Variants in COL23A1 observed in about 807,000 individuals in gnomAD.
COL23A1 encodes the protein collagen alpha-1(XXIII) chain.
A neutral mutation model predicts 99.3 loss-of-function variants in COL23A1; 97 were observed. The observed-to-expected ratio is 0.98, with a 90% confidence interval of 0.83 to 1.16. The LOEUF is 1.16. Ranked by LOEUF, COL23A1 falls within the 50% of genes most tolerant of loss-of-function variation. COL23A1 has a pLI of 0.00. For synonymous variants in COL23A1, 320 were observed against 308.2 expected, an observed-to-expected ratio of 1.04 and a Z score of -0.40; for missense variants, 762 against 757.4, an observed-to-expected ratio of 1.01 and a Z score of -0.07.
intron 18 of COL23A1, among the ~76,000 whole-genome samples, chr5:178,249,704 A>T (rs1581447854): frequency 9.7e-6 from 1 of 103,122 alleles, no homozygotes; most frequent in Non-Finnish European, 2.2e-5. Context: ...ACACACACAC[A>T]CACACACACA....
chr5:178,477,487 C>T (rs1010022343), intron 2 of COL23A1, among the ~76,000 whole-genome samples: 2 of 152,184 alleles, frequency 1.3e-5, no homozygotes, highest in Middle Eastern at 3.2e-3. Context: ...AAATGAAAAG[C>T]AGACAGCAGA....
intron 2 of COL23A1, among the ~76,000 whole-genome samples, chr5:178,320,982 G>C (rs1173118793): frequency 6.6e-6 from 1 of 152,210 alleles, no homozygotes; most frequent in Non-Finnish European, 1.5e-5. Context: ...GCCCTGAGAG[G>C]GCAGCCACAG....
chr5:178,250,195 G>A, intron 17 of COL23A1, 90 bp from the exon 18 acceptor site: 3 of 1,497,872 alleles, frequency 2.0e-6, no homozygotes, highest in Non-Finnish European at 2.8e-6. Context: ...TGTGCACCCG[G>A]CCCAGGGTGG....
intron 2 of COL23A1, among the ~76,000 whole-genome samples, chr5:178,427,410 G>A (rs1194355781): frequency 2.0e-5 from 3 of 152,132 alleles, no homozygotes; most frequent in Admixed American, 2.0e-4. Context: ...CAGCTATCTT[G>A]CTCCTTGGTA....
intron 2 of COL23A1, among the ~76,000 whole-genome samples, chr5:178,320,244 C>A (rs1034829395): frequency 6.6e-6 from 1 of 152,240 alleles, no homozygotes; most frequent in Non-Finnish European, 1.5e-5. Context: ...GGCTCCTGTA[C>A]GCTGGCTCGT....
intron 2 of COL23A1, among the ~76,000 whole-genome samples, chr5:178,523,318 T>G (rs1581563288): frequency 2.3e-5 from 3 of 132,224 alleles, no homozygotes; most frequent in Admixed American, 7.9e-5. Flanking sequence ...TCCTAGCTAT[T>G]TGGGAGGCTG....
In COL23A1 at chr5:178,480,503, C is replaced by G. The variant is rs79760170; in HGVS notation, c.361+80179G>C. On this transcript the variant is annotated intron_variant, in intron 2 of 28. Coordinates refer to ENST00000390654, the MANE Select transcript of COL23A1 (RefSeq NM_173465.4). The stretch of plus-strand genomic sequence containing the variant: ...TCCCAAGATCCCACTAACACCATTG[C>G]AACCCAGTTTGAAAGCACCAGGCCT... Among the ~76,000 whole-genome samples, 1,235 of 152,352 alleles carry G rather than the reference C, an allele frequency of 8.1e-3. 12 individuals are homozygous for G. The highest frequency in any genetic ancestry group is 0.025 in the African/African-American group (1,037 of 41,580).
intron 10 of COL23A1, 71 bp downstream of exon 10, chr5:178,262,146 G>C (rs1765664957): frequency 2.0e-6 from 3 of 1,498,044 alleles, no homozygotes; most frequent in Non-Finnish European, 2.7e-6. Flanking sequence ...GGCGTGTGTG[G>C]GAAAGGGGCT....
intron 3 of COL23A1, among the ~76,000 whole-genome samples, chr5:178,303,690 T>C (rs768838365): frequency 6.6e-6 from 1 of 152,266 alleles, no homozygotes; most frequent in African/African-American, 2.4e-5. Context: ...AGCAGTCTTC[T>C]GTGATCTTCA....
intron 2 of COL23A1, among the ~76,000 whole-genome samples, chr5:178,328,250 CT>C (rs975131533): frequency 5.3e-5 from 8 of 152,186 alleles, no homozygotes; most frequent in African/African-American, 1.7e-4. Context: ...CTCATCCCCC[CT>C]GTCCCTGTCC....
chr5:178,548,482 C>T (rs1761831663), intron 2 of COL23A1, among the ~76,000 whole-genome samples: 2 of 152,036 alleles, frequency 1.3e-5, no homozygotes, highest in South Asian at 2.1e-4. Context: ...TCCCTTGCTC[C>T]CCCTCACTCA....
At chr5:178,326,617 T>C (rs1436242997) in intron 2 of COL23A1, among the ~76,000 whole-genome samples, 1 of 152,188 alleles carries the variant, frequency 6.6e-6, no homozygotes, top group African/African-American at 2.4e-5. Context: ...TTCTATCTGC[T>C]TCTCCCTCCC....
intron 2 of COL23A1, among the ~76,000 whole-genome samples, chr5:178,339,706 T>C (rs1213097239): frequency 6.6e-6 from 1 of 152,220 alleles, no homozygotes; most frequent in African/African-American, 2.4e-5. Flanking sequence ...TCAGTGGGCC[T>C]CACTTCCCAC....
At chr5:178,326,742 C>T (rs770608000) in intron 2 of COL23A1, among the ~76,000 whole-genome samples, 35 of 152,168 alleles carry the variant, frequency 2.3e-4, no homozygotes, top group African/African-American at 4.8e-4. Flanking sequence ...GTTTTTGAGA[C>T]GGAGTCTCGC....
rs370635234 is a variant in COL23A1, at chr5:178,428,606, C to T, written c.362-121687G>A. On this transcript the variant is annotated intron_variant, in intron 2 of 28. Coordinates refer to ENST00000390654, the MANE Select transcript of COL23A1 (RefSeq NM_173465.4). This position sits in a 1 kb window ranked among gnomAD's most constrained non-coding sequence, Gnocchi z 5.0. ...CCCTGCCCGGCCCAGGCCTTTTTAGCCCCCGAGCCAGGATGGCAGCCTCTT... is the reference window on the plus strand; with the variant it reads ...CCCTGCCCGGCCCAGGCCTTTTTAGTCCCCGAGCCAGGATGGCAGCCTCTT... Among the ~76,000 whole-genome samples, 7 of 152,334 alleles carry T rather than the reference C, an allele frequency of 4.6e-5. No homozygotes were observed. In the South Asian group the frequency reaches 1.0e-3, roughly 23 times the overall value.
chr5:178,472,232 G>A (rs757244812), intron 2 of COL23A1, among the ~76,000 whole-genome samples: 5 of 152,206 alleles, frequency 3.3e-5, no homozygotes, highest in Non-Finnish European at 7.3e-5. Flanking sequence ...TGGGAAAGGG[G>A]CTTGAAGGAA....
chr5:178,262,035 G>A (rs968828480), intron 10 of COL23A1, among the ~76,000 whole-genome samples, 182 bp downstream of exon 10: 1 of 152,232 alleles, frequency 6.6e-6, no homozygotes, highest in Non-Finnish European at 1.5e-5. Flanking sequence ...ATTTCCCCAG[G>A]GTGGCTGGAG....
chr5:178,488,669 C>T (rs1001445650), intron 2 of COL23A1, among the ~76,000 whole-genome samples: 5 of 149,444 alleles, frequency 3.3e-5, no homozygotes, highest in African/African-American at 9.9e-5. Context: ...CACATATATG[C>T]CTATGACTCT....
intron 2 of COL23A1, among the ~76,000 whole-genome samples, chr5:178,537,933 C>T (rs1409443096): frequency 1.3e-5 from 2 of 152,210 alleles, no homozygotes; most frequent in Non-Finnish European, 2.9e-5. Flanking sequence ...CCCTGGCTAG[C>T]CCCTGGCACT....
Sources: gnomAD v4.1 joint callset for allele counts (sites outside exome capture counted in the v4.1 genomes callset) on GRCh38, gnomAD v4.1.1 for gene constraint, Gnocchi (gnomAD v3.1) non-coding constraint, MANE v1.5 for transcripts, NCBI Gene and HGNC (gene_info 2026-07-23, HGNC 2026-07-21) for gene names.